Variants in STXBP5L observed in about 807,000 individuals in gnomAD.
STXBP5L encodes syntaxin-binding protein 5-like.
A neutral mutation model predicts 144.5 loss-of-function variants in STXBP5L; 65 were observed. The ratio of observed to expected loss-of-function variants is 0.45; its 90% CI spans 0.37 to 0.55. STXBP5L has a LOEUF of 0.55. Ranked by LOEUF, STXBP5L falls within the 20% of genes least tolerant of loss-of-function variation. The pLI, the probability that STXBP5L is intolerant of heterozygous loss-of-function variation, is 0.00. For missense variants in STXBP5L, 1,298 were observed against 1,405.5 expected (o/e 0.92, Z 1.22); for synonymous variants, 505 against 469.6 (o/e 1.08, Z -0.97).
intron 3 of STXBP5L, among the ~76,000 whole-genome samples, chr3:120,980,152 G>A (rs1042175247): frequency 1.3e-5 from 2 of 152,116 alleles, no homozygotes; most frequent in South Asian, 2.1e-4. Context: ...GGTATATTTT[G>A]GGGGATGTTT....
chr3:120,970,214 A>C (rs1206427892), intron 3 of STXBP5L, among the ~76,000 whole-genome samples: 1 of 152,026 alleles, frequency 6.6e-6, no homozygotes, highest in Non-Finnish European at 1.5e-5. Flanking sequence ...TCAAGATGTA[A>C]ATGGCTTACT....
Position 121,030,883 on chromosome 3 carries a change from A to G in STXBP5L, c.288-10817A>G, listed in dbSNP as rs117673867. Among the ~76,000 whole-genome samples, 3 of 152,262 alleles carry G rather than the reference A, an allele frequency of 2.0e-5. No individual in the cohort carries two copies. The East Asian group carries it at 5.8e-4, about 29-fold the overall frequency. On this transcript the variant is annotated intron_variant, in intron 3 of 26. Coordinates refer to ENST00000471454, the MANE Select transcript of STXBP5L (RefSeq NM_001308330.2). ...GCAATAGCTCCCCTCTCCTCAAAAA[A>G]GAAAGGGAGTTTATTAAATGGATAT...
At chr3:121,012,349 A>G (rs578078441) in intron 3 of STXBP5L, among the ~76,000 whole-genome samples, 2 of 151,992 alleles carry the variant, frequency 1.3e-5, no homozygotes, top group Admixed American at 1.3e-4. Flanking sequence ...TTGCTGCATC[A>G]TGTGGTAACT....
intron 3 of STXBP5L, among the ~76,000 whole-genome samples, chr3:121,006,029 A>T (rs890461643): frequency 2.0e-5 from 3 of 151,980 alleles, no homozygotes; most frequent in South Asian, 2.1e-4. Context: ...GTGTATTCTG[A>T]TGATTTGGGG....
At chr3:121,309,827 A>G (rs1370364676) in intron 19 of STXBP5L, among the ~76,000 whole-genome samples, 1 of 152,222 alleles carries the variant, frequency 6.6e-6, no homozygotes, top group Non-Finnish European at 1.5e-5. Context: ...TGAGAAAGTG[A>G]TTCTAAAATT....
chr3:121,043,496 G>T (rs1318184729), intron 4 of STXBP5L, among the ~76,000 whole-genome samples: 5 of 152,084 alleles, frequency 3.3e-5, no homozygotes, highest in South Asian at 2.1e-4. Context: ...GGATCACGAG[G>T]TCAAGAGATC....
At chr3:121,297,492 G>A (rs994424581) in intron 19 of STXBP5L, among the ~76,000 whole-genome samples, 3 of 152,120 alleles carry the variant, frequency 2.0e-5, no homozygotes, top group Admixed American at 6.6e-5. Context: ...GGTGGCTCAC[G>A]CCTATAATCC....
intron 5 of STXBP5L, among the ~76,000 whole-genome samples, chr3:121,059,696 T>C (rs1344719458): frequency 6.6e-6 from 1 of 152,194 alleles, no homozygotes; most frequent in Admixed American, 6.6e-5. Flanking sequence ...TTCACATCCC[T>C]TGTAAGCTGT....
chr3:120,975,550 G>A lies in STXBP5L; in HGVS notation c.287+20513G>A, dbSNP rs375898061. Among the ~76,000 whole-genome samples the A allele has an allele frequency of 2.4e-4, 36 of 152,128 alleles. No individual in the cohort carries two copies. The South Asian group carries it at 4.4e-3, about 18-fold the overall frequency. ...TACCCTTTATTTCCTTCTCCTGCCT[G>A]ATTGCCCTGGCCAGAACTTCCAACG... is the stretch of plus-strand genomic sequence containing the variant. On this transcript the variant is annotated intron_variant, in intron 3 of 26. Coordinates refer to ENST00000471454, the MANE Select transcript of STXBP5L (RefSeq NM_001308330.2).
At chr3:121,092,225 T>G (rs917230989) in intron 5 of STXBP5L, among the ~76,000 whole-genome samples, 1 of 152,040 alleles carries the variant, frequency 6.6e-6, no homozygotes, top group Non-Finnish European at 1.5e-5. Context: ...GCTTTGTTCT[T>G]TTGGCTTAGG....
At chr3:121,234,534 T>C (rs548537732) in intron 12 of STXBP5L, among the ~76,000 whole-genome samples, 2 of 152,164 alleles carry the variant, frequency 1.3e-5, no homozygotes, top group East Asian at 1.9e-4. Flanking sequence ...GCTTAAAGAT[T>C]GTCTCCCCAC....
At chr3:120,987,040 G>C (rs1446876704) in intron 3 of STXBP5L, among the ~76,000 whole-genome samples, 1 of 151,900 alleles carries the variant, frequency 6.6e-6, no homozygotes, top group Non-Finnish European at 1.5e-5. Flanking sequence ...AATGACCAAA[G>C]CTTTCCGAAT....
intron 3 of STXBP5L, among the ~76,000 whole-genome samples, chr3:120,956,793 T>G (rs1032910940): frequency 6.6e-6 from 1 of 151,932 alleles, no homozygotes; most frequent in Non-Finnish European, 1.5e-5. Context: ...TTTTCACCAA[T>G]AGTAATTGCC....
chr3:121,028,677 T>C (rs1576706603), intron 3 of STXBP5L, among the ~76,000 whole-genome samples: 1 of 152,096 alleles, frequency 6.6e-6, no homozygotes, highest in African/African-American at 2.4e-5. Context: ...CCATCATTTT[T>C]TTCTGGTAGT....
chr3:121,113,803 G>C (rs1189470706), intron 5 of STXBP5L, among the ~76,000 whole-genome samples: 1 of 150,388 alleles, frequency 6.6e-6, no homozygotes, highest in African/African-American at 2.4e-5. Context: ...CTCCCAAGTA[G>C]GTGGGACTAT....
intron 19 of STXBP5L, among the ~76,000 whole-genome samples, chr3:121,312,207 G>C (rs1021109444): frequency 1.3e-5 from 2 of 152,018 alleles, no homozygotes; most frequent in Non-Finnish European, 2.9e-5. Context: ...ATGGATTAAA[G>C]ACTTAAACAT....
At chr3:121,221,367 C>G (rs1350909487) in intron 10 of STXBP5L, among the ~76,000 whole-genome samples, 4 of 151,514 alleles carry the variant, frequency 2.6e-5, no homozygotes, top group African/African-American at 9.7e-5. Flanking sequence ...GCTCCTTATC[C>G]TATGCTTGGA....
At chr3:121,311,747 C>T (rs566381957) in intron 19 of STXBP5L, among the ~76,000 whole-genome samples, 10 of 152,180 alleles carry the variant, frequency 6.6e-5, no homozygotes, top group Non-Finnish European at 1.0e-4. Context: ...GAAGCAATAT[C>T]GTGAAAATGG....
chr3:121,035,046 G>T (rs1179984500), intron 3 of STXBP5L, among the ~76,000 whole-genome samples: 1 of 151,942 alleles, frequency 6.6e-6, no homozygotes, highest in African/African-American at 2.4e-5. Flanking sequence ...CATGTCCTTT[G>T]CCTGTTTTTT....
Sources: gnomAD v4.1 joint callset for allele counts (sites outside exome capture counted in the v4.1 genomes callset) on GRCh38, gnomAD v4.1.1 for gene constraint, MANE v1.5 for transcripts, NCBI Gene and HGNC (gene_info 2026-07-23, HGNC 2026-07-21) for gene names.